HIF1AN: variants seen among roughly 807,000 people sequenced by gnomAD.
The protein encoded by HIF1AN is hypoxia-inducible factor 1-alpha inhibitor.
HIF1AN carries 21 observed loss-of-function variants against 47.7 expected under a neutral mutation model. The ratio of observed to expected loss-of-function variants is 0.44; its 90% confidence interval spans 0.31 to 0.63. The LOEUF is 0.63. Ranked by LOEUF, HIF1AN falls within the 30% of genes least tolerant of loss-of-function variation. HIF1AN has a pLI of 0.07. For synonymous variants in HIF1AN, 152 were observed against 155.9 expected (o/e 0.98, Z 0.18); for missense variants, 320 against 432.7 (o/e 0.74, Z 2.31).
chr10:100,556,038 G>A lies in HIF1AN; in HGVS notation c.*7901G>A, dbSNP rs1189577352. On this transcript the variant is annotated 3_prime_UTR_variant, in exon 8 of 8. Coordinates refer to ENST00000299163, the MANE Select transcript of HIF1AN (RefSeq NM_017902.3). ...CAGGGTAAGGCTTAGCAGAATGACCGGTCCATAGCAAGGGCTCAGTCTTTC... is the reference window on the plus strand; with the variant it reads ...CAGGGTAAGGCTTAGCAGAATGACCAGTCCATAGCAAGGGCTCAGTCTTTC... 6 of 152,162 alleles carry A rather than the reference G, an allele frequency of 3.9e-5. No individual in the cohort carries two copies. The highest frequency in any genetic ancestry group is 7.3e-5 in the Non-Finnish European group (5 of 68,030). 9.4% of individuals were successfully genotyped at this position (152,162 alleles called of 1,614,324 possible).
intron 3 of HIF1AN, among the ~76,000 whole-genome samples, chr10:100,541,565 G>A (rs1441017045): frequency 6.6e-6 from 1 of 151,848 alleles, no homozygotes; most frequent in African/African-American, 2.4e-5. Flanking sequence ...CAGTTGTGTG[G>A]TCTCGGCTCA....
chr10:100,536,296 T>C, intron 1 of HIF1AN, 115 bp from the exon 2 acceptor site: 1 of 1,393,334 alleles, frequency 7.2e-7, no homozygotes, highest in Non-Finnish European at 9.9e-7. Context: ...GGGTTCGTGC[T>C]GATTAACAGG....
At position 100,545,955 on chromosome 10, in the gene HIF1AN, A is replaced by T. The variant is rs766554565; in HGVS notation, c.736A>T (p.Asn246Tyr). 1 of 1,613,122 alleles carries T rather than the reference A, an allele frequency of 6.2e-7. No homozygotes were observed. The highest frequency in any genetic ancestry group is 1.1e-5 in the South Asian group (1 of 91,046). The change falls in exon 5 of 8, where the codon AAT becomes TAT. Residue 246 changes from asparagine to tyrosine, a missense_variant. By Grantham distance (143) the Asn-to-Tyr change is moderately radical (BLOSUM62 -2). Coordinates refer to ENST00000299163, the MANE Select transcript of HIF1AN (RefSeq NM_017902.3). Reference sequence around the variant, plus strand: ...TTGAACCTCTTAGGTGGACTTTGACAATCCCGACTACGAGAGGTTCCCTAA... The same window carrying T: ...TTGAACCTCTTAGGTGGACTTTGACTATCCCGACTACGAGAGGTTCCCTAA... ...CDRQSQVDFD[N>Y]PDYERFPNFQ...
In HIF1AN at chr10:100,550,534, C is replaced by G. The variant is rs1460438308; in HGVS notation, c.*2397C>G. ...TCCTTCCTTACCTCCCTCCTTGTAC[C>G]ACAGGTTCTGTCCTCAAGATATCAC... On this transcript the variant is annotated 3_prime_UTR_variant, in exon 8 of 8. Transcript: ENST00000299163. 6.6e-6 allele frequency: 1 copy of G among 152,210 alleles called. No homozygotes were observed. The highest frequency in any genetic ancestry group is 6.5e-5 in the Admixed American group (1 of 15,272). The allele number at this position is 152,210 out of a possible 1,614,324, so 9.4% of individuals were successfully genotyped here.
chr10:100,549,083 CGTGT>C lies in HIF1AN; in HGVS notation c.*963_*966del, dbSNP rs140780017. ...GTGCGTGCGTGTGTGTGTGTGTGTC[CGTGT>C]GTGTGTGTGTGTGTGTCCACACTGG... On this transcript the variant is annotated 3_prime_UTR_variant, in exon 8 of 8. Coordinates refer to ENST00000299163, the MANE Select transcript of HIF1AN (RefSeq NM_017902.3). 19 of 103,692 alleles carry C rather than the reference CGTGT, an allele frequency of 1.8e-4. No homozygotes were observed. The highest frequency in any genetic ancestry group is 3.6e-4 in the South Asian group (1 of 2,806). The allele number at this position is 103,692 out of a possible 1,614,324, so 6.4% of individuals were successfully genotyped here.
Position 100,546,521 on chromosome 10 carries a change from G to A in HIF1AN, c.834G>A (p.Trp278Ter), listed in dbSNP as rs555409070. The A allele has an allele frequency of 6.2e-7, 1 of 1,612,734 alleles. No individual in the cohort carries two copies. The highest frequency in any genetic ancestry group is 2.2e-5 in the East Asian group (1 of 44,820). ...GAGCCTGTTTGTTTTCTTGCAGGTG[G>A]CATCACATAGAGTCATTACTAAATG... is the stretch of plus-strand genomic sequence containing the variant. ...GDVLYIPMYW[W>*]HHIESLLNGG... is the part of the protein sequence containing the mutation. Residue 278 changes from tryptophan (W) to a stop codon, truncating the protein, a stop_gained, in exon 6 of 8, where the codon TGG (tryptophan) becomes TGA (stop). Transcript: ENST00000299163. LOFTEE classifies it high-confidence loss of function.
chr10:100,542,152 C>T (rs987643810), intron 3 of HIF1AN, among the ~76,000 whole-genome samples: 3 of 150,068 alleles, frequency 2.0e-5, no homozygotes, highest in Non-Finnish European at 4.4e-5. Flanking sequence ...AGATAAAAAA[C>T]GGTATACCTG....
rs183574295 is a variant in HIF1AN, at chr10:100,556,334, G to A, written c.*8197G>A. On this transcript the variant is annotated 3_prime_UTR_variant, in exon 8 of 8. Transcript: ENST00000299163. ...ACATACTGGGTGAAAATAAGACATT[G>A]GAGCTGCTGCTCCCCAAGGAGATAA... 6.6e-6 allele frequency: 1 copy of A among 152,262 alleles called. No individual in the cohort carries two copies. Among genetic ancestry groups the A allele is most frequent in the East Asian group, 1.9e-4 (1 of 5,184 alleles). The allele number at this position is 152,262 out of a possible 1,614,324, so 9.4% of individuals were successfully genotyped here.
At chr10:100,537,094 G>A (rs1406361902) in intron 2 of HIF1AN, among the ~76,000 whole-genome samples, 3 of 152,128 alleles carry the variant, frequency 2.0e-5, no homozygotes, top group African/African-American at 7.2e-5. Context: ...TTGGGAGGCC[G>A]AGGTGGGAGG....
chr10:100,541,058 A>G (rs756298077), intron 3 of HIF1AN, among the ~76,000 whole-genome samples: 9 of 152,074 alleles, frequency 5.9e-5, no homozygotes, highest in Non-Finnish European at 1.0e-4. Context: ...ACTAAAATAC[A>G]AAGAAAACAA....
rs1843114331 is a variant in HIF1AN, at chr10:100,548,322, A to G, written c.*185A>G. On this transcript the variant is annotated 3_prime_UTR_variant, in exon 8 of 8. Coordinates refer to ENST00000299163, the MANE Select transcript of HIF1AN (RefSeq NM_017902.3). Reference sequence around the variant, plus strand: ...CAGTTGGCACTCCACTCCTATTTGGAGGGACTTCATACCCTTGCCTCTTGT... The same window carrying G: ...CAGTTGGCACTCCACTCCTATTTGGGGGGACTTCATACCCTTGCCTCTTGT... 3.8e-6 allele frequency: 2 copies of G among 519,812 alleles called. No homozygotes were observed. The highest frequency in any genetic ancestry group is 5.7e-5 in the South Asian group (2 of 34,822). 32.2% of individuals were successfully genotyped at this position (519,812 alleles called of 1,614,324 possible).
At chr10:100,548,038 A>G (rs1843110804) in intron 7 of HIF1AN, 55 bp from the exon 8 acceptor site, 2 of 1,551,534 alleles carry the variant, frequency 1.3e-6, no homozygotes, top group African/African-American at 2.7e-5. Flanking sequence ...CACCCTGTCC[A>G]ATTCCAGGGC....
At position 100,551,224 on chromosome 10, in the gene HIF1AN, A is replaced by T. The variant is rs148816532; in HGVS notation, c.*3087A>T. 1 of 152,346 alleles carries T rather than the reference A, an allele frequency of 6.6e-6. No homozygotes were observed. Among genetic ancestry groups the T allele is most frequent in the East Asian group, 1.9e-4 (1 of 5,186 alleles). 9.4% of individuals were successfully genotyped at this position (152,346 alleles called of 1,614,324 possible). ...CCCCTACAAATCAGAGCTCTAAATT[A>T]CAAGGTTTTTACCAACGTGAACAGT... On this transcript the variant is annotated 3_prime_UTR_variant, in exon 8 of 8. Transcript: ENST00000299163.
At chr10:100,539,854 G>A (rs1354323091) in intron 2 of HIF1AN, among the ~76,000 whole-genome samples, 1 of 152,162 alleles carries the variant, frequency 6.6e-6, no homozygotes, top group Non-Finnish European at 1.5e-5. Flanking sequence ...AAGGGCCAAC[G>A]GAGATGTCTC....
Position 100,558,167 on chromosome 10 carries a change from A to G in HIF1AN, c.*10030A>G, listed in dbSNP as rs1233446913. 2.0e-5 allele frequency: 3 copies of G among 152,254 alleles called. No individual in the cohort carries two copies. Among genetic ancestry groups the G allele is most frequent in the African/African-American group, 7.2e-5 (3 of 41,424 alleles). 9.4% of individuals were successfully genotyped at this position (152,254 alleles called of 1,614,324 possible). A position where few individuals can be genotyped will look rare whatever the true frequency, so the allele number is the denominator to read the frequency against. On this transcript the variant is annotated 3_prime_UTR_variant, in exon 8 of 8. Transcript: ENST00000299163. ...GTGTTCTAGAGGGGAAAGCTAAACG[A>G]TGATAGGCAATGAGGAGCGGAGGAC... is the stretch of plus-strand genomic sequence containing the variant.
chr10:100,536,225 A>G (rs2133719639), intron 1 of HIF1AN, 90 bp downstream of exon 1: 2 of 1,371,322 alleles, frequency 1.5e-6, no homozygotes, highest in East Asian at 2.3e-5. Context: ...GGAGACTGGC[A>G]GGGCTCTAGA....
Position 100,559,030 on chromosome 10 carries a change from T to G in HIF1AN, c.*10893T>G, listed in dbSNP as rs906924278. ...GTGTATTTATACTCGAATTTTAAGTTGAAATTTTGCTAAGTTTCTTTTTTT... is the reference window on the plus strand; with the variant it reads ...GTGTATTTATACTCGAATTTTAAGTGGAAATTTTGCTAAGTTTCTTTTTTT... On this transcript the variant is annotated 3_prime_UTR_variant, in exon 8 of 8. Coordinates refer to ENST00000299163, the MANE Select transcript of HIF1AN (RefSeq NM_017902.3). 2.0e-5 allele frequency: 3 copies of G among 152,158 alleles called. No homozygotes were observed. Among genetic ancestry groups the G allele is most frequent in the African/African-American group, 7.2e-5 (3 of 41,442 alleles). The allele number at this position is 152,158 out of a possible 1,614,324, so 9.4% of individuals were successfully genotyped here.
chr10:100,542,468 C>G (rs928079970), intron 3 of HIF1AN, among the ~76,000 whole-genome samples: 3 of 152,296 alleles, frequency 2.0e-5, no homozygotes, highest in African/African-American at 7.2e-5. Flanking sequence ...ATTCTCCCAC[C>G]TCAGCCTCCC....
chr10:100,547,873 G>A (rs921948471), intron 7 of HIF1AN, among the ~76,000 whole-genome samples: 5 of 152,110 alleles, frequency 3.3e-5, no homozygotes, highest in Non-Finnish European at 5.9e-5. Flanking sequence ...GGTGTTGTGC[G>A]AGAGAAGAAT....
Sources: allele counts gnomAD v4.1 joint callset (sites outside exome capture counted in the v4.1 genomes callset), GRCh38; gene constraint gnomAD v4.1.1; transcripts MANE v1.5; gene names NCBI Gene and HGNC (gene_info 2026-07-23, HGNC 2026-07-21).